Variants in FYCO1 observed in about 807,000 individuals in gnomAD.
FYCO1 encodes the protein FYVE and coiled-coil domain-containing protein 1.
Under a neutral mutation model 165.1 loss-of-function variants are expected in FYCO1, and 122 were observed. That is an observed-to-expected ratio of 0.74 (90% CI 0.64 to 0.86). FYCO1 has a LOEUF of 0.86. FYCO1 is among the 40% of genes least tolerant of loss of function. The pLI, the probability that FYCO1 is intolerant of heterozygous loss-of-function variation, is 0.00. For synonymous variants in FYCO1, 648 were observed against 742.5 expected, an observed-to-expected ratio of 0.87 and a Z score of 2.07; for missense variants, 1,702 against 1,810.3, an observed-to-expected ratio of 0.94 and a Z score of 1.09.
intron 1 of FYCO1, 44 bp from the exon 2 acceptor site, chr3:45,985,066 A>G: frequency 1.3e-6 from 1 of 746,042 alleles, no homozygotes; most frequent in Non-Finnish European, 2.4e-6. Context: ...AGATACAGAC[A>G]CAATTTAACG....
chr3:45,971,716 A>G (rs1706456597), intron 6 of FYCO1, among the ~76,000 whole-genome samples: 1 of 152,220 alleles, frequency 6.6e-6, no homozygotes, highest in Non-Finnish European at 1.5e-5. Context: ...AAAGACAAAG[A>G]CTGAAAAACT....
intron 14 of FYCO1, among the ~76,000 whole-genome samples, chr3:45,942,748 T>C (rs1336279609): frequency 6.6e-6 from 1 of 152,148 alleles, no homozygotes. Context: ...AGTCAACATC[T>C]GGGGAATTCC....
At chr3:45,981,269 A>G (rs975884907) in intron 3 of FYCO1, among the ~76,000 whole-genome samples, 1 of 152,244 alleles carries the variant, frequency 6.6e-6, no homozygotes, top group African/African-American at 2.4e-5. Flanking sequence ...GGGGTATGTA[A>G]CTGTCCCAAA....
chr3:45,968,781 G>C, intron 7 of FYCO1, 78 bp from the exon 8 acceptor site: 1 of 1,551,576 alleles, frequency 6.4e-7, no homozygotes, highest in East Asian at 2.2e-5. Context: ...AGAGTTTAAT[G>C]AGAGCAGAGG....
chr3:45,951,050 G>A (rs1250466806), intron 14 of FYCO1, among the ~76,000 whole-genome samples: 2 of 152,220 alleles, frequency 1.3e-5, no homozygotes, highest in Admixed American at 1.3e-4. Flanking sequence ...TTCAGGGAAT[G>A]TTTCTGTGGG....
At chr3:45,943,026 G>C (rs1002363823) in intron 14 of FYCO1, among the ~76,000 whole-genome samples, 1 of 152,154 alleles carries the variant, frequency 6.6e-6, no homozygotes, top group Admixed American at 6.5e-5. Context: ...ATAAAGGCAG[G>C]ATAATATCCA....
chr3:45,929,603 C>T (rs1200641159), intron 16 of FYCO1, among the ~76,000 whole-genome samples: 3 of 152,114 alleles, frequency 2.0e-5, no homozygotes, highest in East Asian at 1.9e-4. Flanking sequence ...GCATGTTGGC[C>T]GCACCAGGAC....
chr3:45,965,062 C>G lies in FYCO1; in HGVS notation c.3121G>C (p.Ala1041Pro), dbSNP rs1284600588. 4 of 1,614,050 alleles carry G rather than the reference C, an allele frequency of 2.5e-6. No homozygotes were observed. In the East Asian group the frequency reaches 6.7e-5, roughly 27 times the overall value. Residue 1041 changes from alanine to proline, a missense_variant, in exon 9 of 18, where the codon GCT (alanine) becomes CCT (proline). Coordinates refer to ENST00000296137, the MANE Select transcript of FYCO1 (RefSeq NM_024513.4). ...AGCTTCTCCACAGCTTCCTCAGCAGCCTGCAGCTGCCGGCCTTGCTCCTCA... is the reference window on the plus strand; with the variant it reads ...AGCTTCTCCACAGCTTCCTCAGCAGGCTGCAGCTGCCGGCCTTGCTCCTCA... Reference protein sequence around the residue: ...QLEEQGRQLQAAEEAVEKLKA... With the variant: ...QLEEQGRQLQPAEEAVEKLKA...
chr3:45,922,460 GGGGAA>G (rs1703128624), intron 17 of FYCO1, among the ~76,000 whole-genome samples: 1 of 152,190 alleles, frequency 6.6e-6, no homozygotes, highest in East Asian at 1.9e-4. Context: ...AGGGCCGCTG[GGGGAA>G]GAGCAGAGCT....
intron 11 of FYCO1, among the ~76,000 whole-genome samples, chr3:45,960,322 G>A (rs1314759024): frequency 5.3e-5 from 8 of 152,204 alleles, no homozygotes; most frequent in Admixed American, 3.9e-4. Flanking sequence ...TGTGACACCC[G>A]AGCCACTCAG....
Position 45,931,130 on chromosome 3 carries a change from T to C in FYCO1, c.4192A>G (p.Ser1398Gly), listed in dbSNP as rs763551108. ...ISWVFSSDPK[S>G]ISFSVVFQEA... ...TGGAAGACCACACTGAAGGAGATGC[T>C]CTTGGGGTCAGAGGAGAAGACCCAG... is the stretch of plus-strand genomic sequence containing the variant. The change falls in exon 16 of 18, where the codon AGC becomes GGC. Residue 1398 changes from serine to glycine, a missense_variant. Coordinates refer to ENST00000296137, the MANE Select transcript of FYCO1 (RefSeq NM_024513.4). 6.2e-7 allele frequency: 1 copy of C among 1,613,964 alleles called. No homozygotes were observed.
rs569222834 is a variant in FYCO1 at position 45,968,188 on chromosome 3, T to C, written c.1146A>G (p.Ala382=). 8.1e-6 allele frequency: 13 copies of C among 1,614,072 alleles called. No individual in the cohort carries two copies. The highest frequency in any genetic ancestry group is 1.1e-5 in the South Asian group (1 of 91,088). ...GTTCTTGCCGGCCCTTTGTGTCTGATGCCGTATCTGCCTTCTGCTGAGCCA... is the reference window on the plus strand; with the variant it reads ...GTTCTTGCCGGCCCTTTGTGTCTGACGCCGTATCTGCCTTCTGCTGAGCCA... ...LAMAQQKADT[A]SDTKGRQEPI... Residue 382 remains alanine, a synonymous_variant, in exon 8 of 18, where the codon GCA becomes GCG. Coordinates refer to ENST00000296137, the MANE Select transcript of FYCO1 (RefSeq NM_024513.4).
intron 4 of FYCO1, 110 bp downstream of exon 4, chr3:45,979,595 C>T (rs973255649): frequency 2.2e-6 from 3 of 1,336,198 alleles, no homozygotes; most frequent in African/African-American, 2.9e-5. Flanking sequence ...TCTTTACCAC[C>T]CATAAACTCC....
In FYCO1 at chr3:45,967,835, T is replaced by A. The variant is rs1490279902; in HGVS notation, c.1499A>T (p.Glu500Val). 1.2e-5 allele frequency: 19 copies of A among 1,614,052 alleles called. No homozygotes were observed. The highest frequency in any genetic ancestry group is 1.6e-5 in the Non-Finnish European group (19 of 1,180,008). The change falls in exon 8 of 18, where the codon GAG (glutamate) becomes GTG (valine). Residue 500 changes from glutamate (E) to valine (V), a missense_variant. Transcript: ENST00000296137. The part of the protein sequence containing the change: ...LRREKKQQQE[E>V]KELLEQEVRS... ...GACCTCCTGCTCCAGCAGCTCCTTC[T>A]CCTCCTGTTGCTGTTTTTTCTCCCG...
chr3:45,946,990 G>C, intron 14 of FYCO1: 1 of 1,614,212 alleles, frequency 6.2e-7, no homozygotes, highest in East Asian at 2.2e-5. Flanking sequence ...ATTATCTATG[G>C]CAATGTCTTT....
In FYCO1 at chr3:45,984,948, G is replaced by C. The variant is rs754794996; in HGVS notation, c.-38C>G. 8 of 1,610,592 alleles carry C rather than the reference G, an allele frequency of 5.0e-6. No homozygotes were observed. In the African/African-American group the frequency reaches 1.1e-4, roughly 22 times the overall value. ...TTTCTTGTCTGTATGTCTCCTGCCT[G>C]GGTCCAGAGGAAGGCTCAGAATTTC... is the stretch of plus-strand genomic sequence containing the variant. On this transcript the variant is annotated 5_prime_UTR_variant, in exon 2 of 18. Coordinates refer to ENST00000296137, the MANE Select transcript of FYCO1 (RefSeq NM_024513.4).
At position 45,985,005 on chromosome 3, in the gene FYCO1, C is replaced by G; in HGVS notation, c.-95G>C. 1 of 1,187,608 alleles carries G rather than the reference C, an allele frequency of 8.4e-7. No individual in the cohort carries two copies. Among genetic ancestry groups the G allele is most frequent in the Non-Finnish European group, 1.3e-6 (1 of 791,414 alleles). The allele number at this position is 1,187,608 out of a possible 1,614,324, so 73.6% of individuals were successfully genotyped here. On this transcript the variant is annotated 5_prime_UTR_variant, in exon 2 of 18. It removes the in-frame stop codon of an upstream open reading frame in the 5' UTR. Transcript: ENST00000296137. ...CGGTGGCTGTCTGCTCAGCAGTGGTCAGACTCCATGGTGGCACCTGCACAG... is the reference window on the plus strand; with the variant it reads ...CGGTGGCTGTCTGCTCAGCAGTGGTGAGACTCCATGGTGGCACCTGCACAG...
Position 45,966,380 on chromosome 3 carries a change from G to T in FYCO1, c.2954C>A (p.Ala985Glu). 6.2e-7 allele frequency: 1 copy of T among 1,614,018 alleles called. No homozygotes were observed. The highest frequency in any genetic ancestry group is 1.3e-5 in the African/African-American group (1 of 75,056). ...TTGGAGGCTCTGGGCCCGCTGCTCTGCCTGGGCGAGCTGGGCCTGCAGGCC... is the reference window on the plus strand; with the variant it reads ...TTGGAGGCTCTGGGCCCGCTGCTCTTCCTGGGCGAGCTGGGCCTGCAGGCC... ...LPGLQAQLAQ[A>E]EQRAQSLQEA... Residue 985 changes from alanine to glutamate, a missense_variant, in exon 8 of 18, where the codon GCA (alanine) becomes GAA (glutamate). Transcript: ENST00000296137.
intron 14 of FYCO1, among the ~76,000 whole-genome samples, chr3:45,954,216 T>TGGG (rs35590437): frequency 6.6e-5 from 10 of 151,706 alleles, no homozygotes; most frequent in South Asian, 2.1e-4. Context: ...TGACATTTTT[T>TGGG]GGGGGGGGTA....
Sources: gnomAD v4.1 joint callset for allele counts (sites outside exome capture counted in the v4.1 genomes callset) on GRCh38, gnomAD v4.1.1 for gene constraint, MANE v1.5 for transcripts, NCBI Gene and HGNC (gene_info 2026-07-23, HGNC 2026-07-21) for gene names.